Variants in EPHA8 observed in about 807,000 individuals in gnomAD.
EPHA8 encodes EPH receptor A8.
In EPHA8, 58 loss-of-function variants were observed where a neutral mutation model predicts 103.6. That is an observed-to-expected ratio of 0.56 (90% CI 0.45 to 0.70). The LOEUF (loss-of-function observed/expected upper bound fraction) is 0.70, where lower values mean the gene tolerates loss of function less well. Among genes scored for constraint, EPHA8 ranks in the 30% least tolerant of loss-of-function variants. The pLI, the probability that EPHA8 is intolerant of heterozygous loss-of-function variation, is 0.00. For synonymous variants in EPHA8, 559 were observed against 572.5 expected, an observed-to-expected ratio of 0.98 and a Z score of 0.34; for missense variants, 1,304 against 1,395.2, an observed-to-expected ratio of 0.93 and a Z score of 1.04.
intron 2 of EPHA8, among the ~76,000 whole-genome samples, chr1:22,575,018 T>C (rs1321947813): frequency 2.0e-5 from 3 of 152,220 alleles, no homozygotes; most frequent in Non-Finnish European, 4.4e-5. Flanking sequence ...TAGTGCGATC[T>C]TGGCTCACTG....
chr1:22,566,581 C>T (rs1282427616), intron 1 of EPHA8, among the ~76,000 whole-genome samples: 1 of 152,142 alleles, frequency 6.6e-6, no homozygotes, highest in African/African-American at 2.4e-5. Context: ...TTAAGTGCTT[C>T]GCTTCACTGA....
Position 22,601,778 on chromosome 1 carries a change from A to G in EPHA8, c.*37A>G, listed in dbSNP as rs1641744509. On this transcript the variant is annotated 3_prime_UTR_variant, in exon 17 of 17. Transcript: ENST00000166244. ...CAGGGCCCAGGCAGCCACCAAGCCCACCCCAGGTCATGCCAGCGGCAGAGG... is the reference window on the plus strand; with the variant it reads ...CAGGGCCCAGGCAGCCACCAAGCCCGCCCCAGGTCATGCCAGCGGCAGAGG... The G allele has an allele frequency of 6.5e-7, 1 of 1,534,866 alleles. No individual in the cohort carries two copies. Among genetic ancestry groups the G allele is most frequent in the Non-Finnish European group, 8.8e-7 (1 of 1,136,734 alleles).
intron 9 of EPHA8, 24 bp downstream of exon 9, chr1:22,596,197 T>C: frequency 3.1e-6 from 5 of 1,612,154 alleles, no homozygotes; most frequent in Non-Finnish European, 4.2e-6. Context: ...CCCGGTGGTC[T>C]GGGGCAGAGG....
chr1:22,564,874 G>A (rs905873990), intron 1 of EPHA8, among the ~76,000 whole-genome samples: 2 of 152,120 alleles, frequency 1.3e-5, no homozygotes, highest in Admixed American at 6.5e-5. Context: ...CCAGGTGTAA[G>A]CGAACTCCGG....
chr1:22,582,073 G>A (rs1237933329), intron 3 of EPHA8, among the ~76,000 whole-genome samples: 1 of 152,196 alleles, frequency 6.6e-6, no homozygotes, highest in Non-Finnish European at 1.5e-5. Context: ...GCAAAGGAAG[G>A]GCTGGGAACA....
In EPHA8 at chr1:22,602,491, CAG is replaced by C. The variant is rs1641767877; in HGVS notation, c.*751_*752del. The C allele has an allele frequency of 6.5e-6, 1 of 153,064 alleles. No individual in the cohort carries two copies. The highest frequency in any genetic ancestry group is 1.9e-4 in the East Asian group (1 of 5,192). The allele number at this position is 153,064 out of a possible 1,614,324, so 9.5% of individuals were successfully genotyped here. A position where few individuals can be genotyped will look rare whatever the true frequency, so the allele number is the denominator to read the frequency against. On this transcript the variant is annotated 3_prime_UTR_variant, in exon 17 of 17. Transcript: ENST00000166244. ...TCTCACCGCTGCTTCAACAGGAAAACAGGGTTCCCGGTCAGTCCGGCTGGCCG... is the reference window on the plus strand; with the variant it reads ...TCTCACCGCTGCTTCAACAGGAAAACGGTTCCCGGTCAGTCCGGCTGGCCG...
At chr1:22,565,797 A>G (rs1640342960) in intron 1 of EPHA8, among the ~76,000 whole-genome samples, 1 of 152,174 alleles carries the variant, frequency 6.6e-6, no homozygotes, top group Non-Finnish European at 1.5e-5. Flanking sequence ...GTCTGTGTCC[A>G]TGGTGAAGGG....
intron 4 of EPHA8, among the ~76,000 whole-genome samples, chr1:22,587,937 A>G (rs1242113753): frequency 6.6e-6 from 1 of 152,082 alleles, no homozygotes; most frequent in East Asian, 1.9e-4. Flanking sequence ...CAGCGTGGGC[A>G]CCTCAGGCAA....
rs750521168 is a variant in EPHA8, at chr1:22,600,819, C to G, written c.2538+9C>G. 2.5e-6 allele frequency: 4 copies of G among 1,600,202 alleles called. No individual in the cohort carries two copies. The South Asian group carries it at 4.5e-5, about 18-fold the overall frequency. On this transcript the variant is annotated intron_variant, in intron 14 of 16. Transcript: ENST00000166244. Reference sequence around the variant, plus strand: ...ACATGACCAACCGGGATGTGAGTGCCAAGCCCTGGCAGGTCCGCGGGCGGT... The same window carrying G: ...ACATGACCAACCGGGATGTGAGTGCGAAGCCCTGGCAGGTCCGCGGGCGGT...
chr1:22,571,992 C>T (rs988854896), intron 2 of EPHA8, among the ~76,000 whole-genome samples: 2 of 152,124 alleles, frequency 1.3e-5, no homozygotes, highest in Admixed American at 1.3e-4. Context: ...AGCCACTGTA[C>T]TCCAGCCTGG....
Position 22,593,745 on chromosome 1 carries a change from G to C in EPHA8, c.1603+59G>C. 4.1e-6 allele frequency: 6 copies of C among 1,463,072 alleles called. 1 individual carries two copies. The South Asian group carries it at 8.5e-5, about 21-fold the overall frequency. The allele number at this position is 1,463,072 out of a possible 1,614,324, so 90.6% of individuals were successfully genotyped here. On this transcript the variant is annotated intron_variant, in intron 7 of 16. Transcript: ENST00000166244. The stretch of plus-strand genomic sequence containing the variant: ...GCCCAGGTGCCAGGACCCTGGGGTC[G>C]GGGGGTGGCCGAGGAGAGAGCTAGT...
At position 22,603,544 on chromosome 1, in the gene EPHA8, A is replaced by G. The variant is rs993992811; in HGVS notation, c.*1803A>G. ...GGGGATCTGCCTCTCTGTGGTCTCC[A>G]TCCTGACTCTTGAACTTACCCACAA... is the stretch of plus-strand genomic sequence containing the variant. On this transcript the variant is annotated 3_prime_UTR_variant, in exon 17 of 17. Transcript: ENST00000166244. 6.6e-6 allele frequency: 1 copy of G among 152,148 alleles called. No individual in the cohort carries two copies. The highest frequency in any genetic ancestry group is 6.6e-5 in the Admixed American group (1 of 15,244). The allele number at this position is 152,148 out of a possible 1,614,324, so 9.4% of individuals were successfully genotyped here.
chr1:22,584,996 C>T (rs192990597), intron 3 of EPHA8, among the ~76,000 whole-genome samples: 14 of 150,176 alleles, frequency 9.3e-5, no homozygotes, highest in Non-Finnish European at 1.8e-4. Context: ...AAGCAGGGGC[C>T]GCAGGAGCAG....
At position 22,597,373 on chromosome 1, in the gene EPHA8, C is replaced by G. The variant is rs768788331; in HGVS notation, c.1827C>G (p.Phe609Leu). ...CGGGAAAGCTCCCAGAGCCCCAGTT[C>G]TATGCGGAACCCCACACCTACGAGG... Reference protein sequence around the residue: ...HPPGKLPEPQFYAEPHTYEEP... With the variant: ...HPPGKLPEPQLYAEPHTYEEP... Residue 609 changes from phenylalanine (F) to leucine (L), a missense_variant, in exon 10 of 17, where the codon TTC (phenylalanine) becomes TTG (leucine). By Grantham distance (22) the Phe-to-Leu change is conservative. Coordinates refer to ENST00000166244, the MANE Select transcript of EPHA8 (RefSeq NM_020526.5). The surrounding 1 kb of genome is among the most constrained non-coding windows in gnomAD (Gnocchi z 4.6). 4 of 1,613,462 alleles carry G rather than the reference C, an allele frequency of 2.5e-6. No homozygotes were observed. The highest frequency in any genetic ancestry group is 3.4e-6 in the Non-Finnish European group (4 of 1,179,960).
chr1:22,581,582 G>C (rs927619584), intron 3 of EPHA8, among the ~76,000 whole-genome samples: 2 of 152,184 alleles, frequency 1.3e-5, no homozygotes, highest in African/African-American at 2.4e-5. Context: ...CAGGGGTGGG[G>C]CTCTGAGTGG....
chr1:22,586,026 C>T (rs563514947), intron 3 of EPHA8, among the ~76,000 whole-genome samples: 2 of 152,326 alleles, frequency 1.3e-5, no homozygotes, highest in African/African-American at 4.8e-5. Flanking sequence ...CCTCATCCCA[C>T]CCAAGTCAGT....
chr1:22,587,031 G>C (rs1002228554), intron 4 of EPHA8, among the ~76,000 whole-genome samples: 4 of 152,264 alleles, frequency 2.6e-5, no homozygotes, highest in African/African-American at 4.8e-5. Flanking sequence ...CATCATCTTT[G>C]ATGAACTTGT....
chr1:22,578,893 ATG>A (rs1323384336), intron 3 of EPHA8, among the ~76,000 whole-genome samples: 2 of 142,234 alleles, frequency 1.4e-5, no homozygotes, highest in Non-Finnish European at 3.0e-5. Flanking sequence ...CCGTGTGTGC[ATG>A]TGTGCATGTG....
intron 7 of EPHA8, among the ~76,000 whole-genome samples, chr1:22,594,544 T>C (rs969115101): frequency 2.0e-5 from 3 of 152,254 alleles, no homozygotes; most frequent in Non-Finnish European, 2.9e-5. Flanking sequence ...TTTGGGACCC[T>C]CTGACTTCGA....
Sources: gnomAD v4.1 joint callset for allele counts (sites outside exome capture counted in the v4.1 genomes callset) on GRCh38, gnomAD v4.1.1 for gene constraint, Gnocchi (gnomAD v3.1) non-coding constraint, MANE v1.5 for transcripts, NCBI Gene and HGNC (gene_info 2026-07-23, HGNC 2026-07-21) for gene names.